The following PCDH7 variants were observed in gnomAD, a reference collection of about 807,000 sequenced individuals.
The protein encoded by PCDH7 is protocadherin-7.
In PCDH7, 17 loss-of-function variants were observed where a neutral mutation model predicts 58.9. The observed-to-expected ratio is 0.29, with a 90% CI of 0.20 to 0.43. The LOEUF is 0.43. Ranked by LOEUF, PCDH7 falls within the 20% of genes least tolerant of loss-of-function variation. The pLI is 1.00. For synonymous variants in PCDH7, 664 were observed against 616.4 expected (o/e 1.08, Z -1.14); for missense variants, 1,274 against 1,441.0 (o/e 0.88, Z 1.88).
chr4:30,792,522 G>C (rs1358711659), intron 1 of PCDH7, among the ~76,000 whole-genome samples: 1 of 152,024 alleles, frequency 6.6e-6, no homozygotes, highest in East Asian at 1.9e-4. Flanking sequence ...ATCTTAAGCT[G>C]CTTTTTTTGA....
At chr4:30,948,258 T>G (rs899877579) in intron 2 of PCDH7, among the ~76,000 whole-genome samples, 11 of 146,428 alleles carry the variant, frequency 7.5e-5, no homozygotes, top group Non-Finnish European at 1.2e-4. Context: ...TTTCTATACA[T>G]AAAAGTCTTA....
At chr4:31,118,833 T>C (rs1717304642) in intron 3 of PCDH7, among the ~76,000 whole-genome samples, 1 of 152,152 alleles carries the variant, frequency 6.6e-6, no homozygotes, top group African/African-American at 2.4e-5. Context: ...ATGGTTAGAT[T>C]TGGATCCCCA....
intron 1 of PCDH7, among the ~76,000 whole-genome samples, chr4:30,783,799 T>C (rs1293908335): frequency 6.6e-6 from 1 of 152,206 alleles, no homozygotes; most frequent in Non-Finnish European, 1.5e-5. Context: ...TTTATATAAG[T>C]GAACATTTTA....
chr4:30,906,864 A>C (rs1440889849), intron 1 of PCDH7, among the ~76,000 whole-genome samples: 1 of 151,936 alleles, frequency 6.6e-6, no homozygotes, highest in African/African-American at 2.4e-5. Context: ...ACCTACTAAA[A>C]ATACAAAAAT....
intron 3 of PCDH7, among the ~76,000 whole-genome samples, chr4:31,063,917 G>C (rs781102867): frequency 6.6e-4 from 100 of 152,020 alleles, no homozygotes; most frequent in Non-Finnish European, 9.6e-4. Context: ...AAAATAAGTA[G>C]CTGGTAGTAA....
chr4:30,866,958 G>A (rs926047106), intron 1 of PCDH7, among the ~76,000 whole-genome samples: 1 of 151,928 alleles, frequency 6.6e-6, no homozygotes, highest in East Asian at 1.9e-4. Flanking sequence ...CTTTGGTTGG[G>A]GTAACAAAAA....
intron 3 of PCDH7, among the ~76,000 whole-genome samples, chr4:30,990,077 T>C (rs1751336543): frequency 6.6e-6 from 1 of 152,094 alleles, no homozygotes. Context: ...CTAATAAATA[T>C]TGAGTTCTAT....
rs1040453527 is a variant in PCDH7 at position 30,726,197 on chromosome 4, A to C, written c.3174+1601A>C. On this transcript the variant is annotated intron_variant, in intron 1 of 1. Transcript: ENST00000361762. The stretch of plus-strand genomic sequence containing the variant: ...GGAAGATTCTAGCTAAAATGGTAGC[A>C]CTTTTTACAGATTAAACACTCAAAA... Among the ~76,000 whole-genome samples, 118 of 152,166 alleles carry C rather than the reference A, an allele frequency of 7.8e-4. 1 individual carries two copies. Among genetic ancestry groups the C allele is most frequent in the African/African-American group, 2.8e-3 (115 of 41,590 alleles).
intron 3 of PCDH7, among the ~76,000 whole-genome samples, chr4:31,056,393 A>G (rs1757168309): frequency 6.8e-6 from 1 of 147,428 alleles, no homozygotes; most frequent in Non-Finnish European, 1.5e-5. Flanking sequence ...AGAAGGAAAG[A>G]AGGAAAGGAA....
intron 3 of PCDH7, among the ~76,000 whole-genome samples, chr4:31,087,368 G>C (rs1712583643): frequency 6.6e-6 from 1 of 152,062 alleles, no homozygotes; most frequent in African/African-American, 2.4e-5. Flanking sequence ...TATATGAAAA[G>C]GTTGATGAAT....
At chr4:30,968,375 A>ATATATATAGTGTGT (rs1560541525) in intron 3 of PCDH7, among the ~76,000 whole-genome samples, 1 of 71,752 alleles carries the variant, frequency 1.4e-5, no homozygotes, top group African/African-American at 5.5e-5. Flanking sequence ...ATATACACAC[A>ATATATATAGTGTGT]CTATATATAT....
intron 1 of PCDH7, among the ~76,000 whole-genome samples, chr4:30,765,690 T>C (rs990386671): frequency 2.6e-5 from 4 of 152,210 alleles, no homozygotes; most frequent in Non-Finnish European, 5.9e-5. Flanking sequence ...ATGCAAGTTT[T>C]AAGTATGCAA....
intron 3 of PCDH7, among the ~76,000 whole-genome samples, chr4:31,013,484 AAT>A (rs1753361902): frequency 6.6e-6 from 1 of 150,400 alleles, no homozygotes. Flanking sequence ...TATAATATAT[AAT>A]ATGTGTGTGT....
intron 3 of PCDH7, among the ~76,000 whole-genome samples, chr4:31,095,729 T>C (rs999456845): frequency 1.3e-5 from 2 of 152,286 alleles, no homozygotes; most frequent in Non-Finnish European, 2.9e-5. Flanking sequence ...AACATCCCTT[T>C]AAAACAGTGA....
In PCDH7 at chr4:30,968,909, T is replaced by A. The variant is rs201527398; in HGVS notation, c.*7+18694T>A. 3.9e-5 allele frequency among the ~76,000 whole-genome samples: 6 copies of A among 152,222 alleles called. No individual in the cohort carries two copies. In the East Asian group the frequency reaches 9.6e-4, roughly 24 times the overall value. On this transcript the variant is annotated intron_variant, in intron 3 of 3. Coordinates refer to the PCDH7 transcript ENST00000509759. ...TTACAATTTTTCTGTCTTCTCTTTC[T>A]GGACAACTCATTCATACATTAACCT...
At chr4:30,736,559 G>T, downstream of PCDH7, among the ~76,000 whole-genome samples, 2 of 141,368 alleles carry the variant, frequency 1.4e-5, no homozygotes, top group Admixed American at 7.4e-5. Context: ...TTTTTGAGAC[G>T]GGGTCTCGCT....
At chr4:30,983,423 T>G (rs1279639443) in intron 3 of PCDH7, among the ~76,000 whole-genome samples, 1 of 152,228 alleles carries the variant, frequency 6.6e-6, no homozygotes, top group Non-Finnish European at 1.5e-5. Flanking sequence ...TGTTTTAAAG[T>G]CACTGCACGG....
chr4:31,039,473 T>A (rs1755672757), intron 3 of PCDH7, among the ~76,000 whole-genome samples: 1 of 152,170 alleles, frequency 6.6e-6, no homozygotes, highest in African/African-American at 2.4e-5. Context: ...TGTGGTGCTC[T>A]ACGGCCTTGA....
rs1238160705 is a variant in PCDH7, at chr4:30,831,457, T to G, written c.71-88696T>G. On this transcript the variant is annotated intron_variant, in intron 1 of 3. Coordinates refer to the PCDH7 transcript ENST00000509759. The stretch of plus-strand genomic sequence containing the variant: ...AGGGTAATATCAGTTTTAAACTGTA[T>G]TAGATAACATTTGTAAAGTCTTAGG... Among the ~76,000 whole-genome samples, 6 of 152,254 alleles carry G rather than the reference T, an allele frequency of 3.9e-5. No individual in the cohort carries two copies. The East Asian group carries it at 1.2e-3, about 29-fold the overall frequency.
Sources: allele counts gnomAD v4.1 joint callset (sites outside exome capture counted in the v4.1 genomes callset), GRCh38; gene constraint gnomAD v4.1.1; transcripts MANE v1.5; gene names NCBI Gene and HGNC (gene_info 2026-07-23, HGNC 2026-07-21).